Variants in C1orf174 observed in about 807,000 individuals in gnomAD.
C1orf174 encodes UPF0688 protein C1orf174.
Under a neutral mutation model 18.4 loss-of-function variants are expected in C1orf174, and 13 were observed. That is an observed-to-expected ratio of 0.71 (90% CI 0.46 to 1.12). C1orf174 has a LOEUF of 1.12. Ranked by LOEUF, C1orf174 falls within the 50% of genes most tolerant of loss-of-function variation. The pLI is 0.00. For synonymous variants in C1orf174, 100 were observed against 118.3 expected (o/e 0.85, Z 1.01); for missense variants, 309 against 308.0 (o/e 1.00, Z -0.02).
At chr1:3,894,860 G>A (rs983822260) in intron 1 of C1orf174, among the ~76,000 whole-genome samples, 2 of 152,186 alleles carry the variant, frequency 1.3e-5, no homozygotes, top group Non-Finnish European at 2.9e-5. Flanking sequence ...CGGGGGCTGC[G>A]CCTCCGTCCT....
At position 3,889,358 on chromosome 1, in the gene C1orf174, GC is replaced by G. The variant is rs1638442448; in HGVS notation, c.*601del. On this transcript the variant is annotated 3_prime_UTR_variant, in exon 4 of 4. Coordinates refer to ENST00000361605, the MANE Select transcript of C1orf174 (RefSeq NM_207356.3). ...AAAGATCCCTCTCATTAAGCCCACT[GC>G]CCTGCAGCTGACTCAAGCCATCATC... 1 of 152,538 alleles carries G rather than the reference GC, an allele frequency of 6.6e-6. No individual in the cohort carries two copies. Among genetic ancestry groups the G allele is most frequent in the Admixed American group, 6.5e-5 (1 of 15,320 alleles). The allele number at this position is 152,538 out of a possible 1,614,324, so 9.4% of individuals were successfully genotyped here.
intron 1 of C1orf174, 33 bp downstream of exon 1, chr1:3,900,139 C>T (rs1638683967): frequency 1.3e-6 from 2 of 1,572,020 alleles, no homozygotes; most frequent in Non-Finnish European, 1.7e-6. Flanking sequence ...CCCGCCCTGC[C>T]CGGCGCAGCT....
chr1:3,894,334 G>A (rs1272788595), intron 1 of C1orf174, among the ~76,000 whole-genome samples: 6 of 151,634 alleles, frequency 4.0e-5, no homozygotes, highest in Admixed American at 2.0e-4. Context: ...TCGGCTGGGC[G>A]CGGTGGCTCA....
chr1:3,898,432 C>T (rs1443844440), intron 1 of C1orf174, among the ~76,000 whole-genome samples: 1 of 151,782 alleles, frequency 6.6e-6, no homozygotes, highest in Non-Finnish European at 1.5e-5. Flanking sequence ...CACTTGAACC[C>T]GGGAGGCAGA....
intron 1 of C1orf174, among the ~76,000 whole-genome samples, chr1:3,896,620 G>C (rs183483380): frequency 3.0e-4 from 45 of 152,368 alleles, no homozygotes; most frequent in African/African-American, 1.0e-3. Flanking sequence ...TGTGACGAAG[G>C]GGGTGGAGGC....
chr1:3,892,626 G>A (rs372416716), intron 2 of C1orf174: 65 of 1,034,842 alleles, frequency 6.3e-5, no homozygotes, highest in East Asian at 5.9e-4. Context: ...ACGGGTGGGC[G>A]GGTGCTAGGA....
rs781570899 is a variant in C1orf174 at position 3,890,877 on chromosome 1, G to A, written c.310C>T (p.Pro104Ser). 1 of 1,613,800 alleles carries A rather than the reference G, an allele frequency of 6.2e-7. No homozygotes were observed. Among genetic ancestry groups the A allele is most frequent in the South Asian group, 1.1e-5 (1 of 91,054 alleles). ...ACAGAAACGCCAGCCTCGCTGCCTG[G>A]AAGCAAGGCACTGCCTTCAGCAAAC... ...NEFAEGSALL[P>S]GSEAGVSVQQ... The change falls in exon 3 of 4, where the codon CCA (proline) becomes TCA (serine). Residue 104 changes from proline (P) to serine (S), a missense_variant. Pro to Ser is a moderately conservative substitution (Grantham distance 74). Transcript: ENST00000361605.
intron 3 of C1orf174, 103 bp downstream of exon 3, chr1:3,890,466 G>T: frequency 6.9e-7 from 1 of 1,453,570 alleles, no homozygotes; most frequent in Non-Finnish European, 9.3e-7. Context: ...TATGTTTAAT[G>T]TTGTGTCGAG....
chr1:3,892,762 C>T (rs72849326), intron 2 of C1orf174, 121 bp downstream of exon 2: 251,862 of 1,489,456 alleles, frequency 0.17, 22,747 homozygotes, highest in African/African-American at 0.29. Flanking sequence ...CAATAGTCCC[C>T]CTCTGGCAGA....
At chr1:3,891,172 A>T (rs1410569242) in intron 2 of C1orf174, 115 bp from the exon 3 acceptor site, 1 of 1,305,710 alleles carries the variant, frequency 7.7e-7, no homozygotes, top group Admixed American at 2.3e-5. Context: ...CTGTGACCAC[A>T]ACTTTCACAG....
chr1:3,892,618 G>A (rs1039584998), intron 2 of C1orf174: 19 of 863,650 alleles, frequency 2.2e-5, no homozygotes, highest in African/African-American at 1.2e-4. Flanking sequence ...ACACACACAC[G>A]GGTGGGCGGG....
chr1:3,889,422 AT>A lies in C1orf174; in HGVS notation c.*537del, dbSNP rs1275608115. The A allele has an allele frequency of 6.4e-6, 1 of 155,890 alleles. No homozygotes were observed. The highest frequency in any genetic ancestry group is 1.4e-5 in the Non-Finnish European group (1 of 70,100). 9.7% of individuals were successfully genotyped at this position (155,890 alleles called of 1,614,324 possible). A position where few individuals can be genotyped will look rare whatever the true frequency, so the allele number is the denominator to read the frequency against. On this transcript the variant is annotated 3_prime_UTR_variant, in exon 4 of 4. Transcript: ENST00000361605. ...GTATAAGAAAGGACACTGGCCGGGCATGGTGGCTCGCGCCTGTAATCCCAGC... is the reference window on the plus strand; with the variant it reads ...GTATAAGAAAGGACACTGGCCGGGCAGGTGGCTCGCGCCTGTAATCCCAGC...
chr1:3,894,329 T>C (rs1473092844), intron 1 of C1orf174, among the ~76,000 whole-genome samples: 4 of 151,284 alleles, frequency 2.6e-5, no homozygotes, highest in Non-Finnish European at 5.9e-5. Flanking sequence ...CTGTCTCGGC[T>C]GGGCGCGGTG....
chr1:3,900,034 A>C (rs112821673), intron 1 of C1orf174, 138 bp downstream of exon 1: 195,133 of 1,063,096 alleles, frequency 0.18, 20,380 homozygotes, highest in African/African-American at 0.42. Flanking sequence ...CCCCCCAACT[A>C]CTGCCGGGGG....
chr1:3,894,372 C>G (rs1296754776), intron 1 of C1orf174, among the ~76,000 whole-genome samples: 2 of 152,100 alleles, frequency 1.3e-5, no homozygotes, highest in African/African-American at 4.8e-5. Context: ...CTTTGGGAGG[C>G]TGAGGCAGGT....
Position 3,889,994 on chromosome 1 carries a change from T to C in C1orf174, c.698A>G (p.Asp233Gly), listed in dbSNP as rs1638472339. Reference protein sequence around the residue: ...FRKMHFRAKDDDDDDDDDAEM With the variant: ...FRKMHFRAKDGDDDDDDDAEM ...TGCATCATCGTCGTCGTCATCATCATCATCTTTGGCTCTGAAATGCATTTT... is the reference window on the plus strand; with the variant it reads ...TGCATCATCGTCGTCGTCATCATCACCATCTTTGGCTCTGAAATGCATTTT... The change falls in exon 4 of 4, where the codon GAT (aspartate) becomes GGT (glycine). Residue 233 changes from aspartate (D) to glycine (G), a missense_variant. Physicochemically the swap from Asp to Gly is moderately conservative, Grantham distance 94. Coordinates refer to ENST00000361605, the MANE Select transcript of C1orf174 (RefSeq NM_207356.3). 1 of 1,614,114 alleles carries C rather than the reference T, an allele frequency of 6.2e-7. No homozygotes were observed. Among genetic ancestry groups the C allele is most frequent in the African/African-American group, 1.3e-5 (1 of 74,946 alleles).
rs769420476 is a variant in C1orf174 at position 3,893,010 on chromosome 1, G to C, written c.16-14C>G. ...TGCACCTGTGAGCTAGAGAGATTGA[G>C]AGCCACTCAGAGAGTGCTCTCAGGA... On this transcript the variant is annotated splice_polypyrimidine_tract_variant and intron_variant, in intron 1 of 3. Transcript: ENST00000361605. 9 of 1,612,550 alleles carry C rather than the reference G, an allele frequency of 5.6e-6. 1 individual carries two copies. In the South Asian group the frequency reaches 7.7e-5, roughly 14 times the overall value.
At chr1:3,891,117 A>C in intron 2 of C1orf174, 60 bp from the exon 3 acceptor site, 32 of 1,493,196 alleles carry the variant, frequency 2.1e-5, no homozygotes, top group Non-Finnish European at 2.8e-5. Flanking sequence ...ACAGGCCTCA[A>C]TCCAGAGGCT....
At chr1:3,895,999 A>C (rs1394781864) in intron 1 of C1orf174, 3 of 152,736 alleles carry the variant, frequency 2.0e-5, no homozygotes, top group African/African-American at 7.2e-5. Context: ...CCAGCAAATG[A>C]AGAAACACTT....
Sources: allele counts gnomAD v4.1 joint callset (sites outside exome capture counted in the v4.1 genomes callset), GRCh38; gene constraint gnomAD v4.1.1; transcripts MANE v1.5; gene names NCBI Gene and HGNC (gene_info 2026-07-23, HGNC 2026-07-21).